The following SLC31A1 variants were observed in gnomAD, a reference collection of about 807,000 sequenced individuals.
SLC31A1 encodes the protein high affinity copper uptake protein 1.
SLC31A1 carries 5 observed loss-of-function variants against 17.2 expected under a neutral mutation model. The ratio of observed to expected loss-of-function variants is 0.29; its 90% CI spans 0.15 to 0.61. SLC31A1 has a LOEUF of 0.61. SLC31A1 is among the 20% of genes least tolerant of loss of function. The pLI, the probability that SLC31A1 is intolerant of heterozygous loss-of-function variation, is 0.86. For synonymous variants in SLC31A1, 76 were observed against 78.8 expected, an observed-to-expected ratio of 0.96 and a Z score of 0.19; for missense variants, 161 against 241.4, an observed-to-expected ratio of 0.67 and a Z score of 2.21.
intron 1 of SLC31A1, among the ~76,000 whole-genome samples, chr9:113,228,290 A>C (rs1171247244): frequency 6.6e-6 from 1 of 152,198 alleles, no homozygotes; most frequent in Admixed American, 6.5e-5. Context: ...TCAAGGCTAC[A>C]AAAGGATCCT....
In SLC31A1 at chr9:113,261,995, A is replaced by G. The variant is rs1353053425; in HGVS notation, c.*1522A>G. ...CACATGTGTGAAGGGCTATAGCCAA[A>G]GTATTTTTACTAGCCTGTATGAAAT... is the stretch of plus-strand genomic sequence containing the variant. On this transcript the variant is annotated 3_prime_UTR_variant, in exon 5 of 5. Coordinates refer to ENST00000374212, the MANE Select transcript of SLC31A1 (RefSeq NM_001859.4). 1.3e-5 allele frequency: 2 copies of G among 152,706 alleles called. No individual in the cohort carries two copies. Among genetic ancestry groups the G allele is most frequent in the African/African-American group, 4.8e-5 (2 of 41,482 alleles). 9.5% of individuals were successfully genotyped at this position (152,706 alleles called of 1,614,324 possible).
At chr9:113,257,550 A>G (rs556389738) in intron 3 of SLC31A1, among the ~76,000 whole-genome samples, 49 of 130,194 alleles carry the variant, frequency 3.8e-4, no homozygotes, top group African/African-American at 1.5e-3. Flanking sequence ...AATGGCAGCT[A>G]TCTTGGCTCA....
chr9:113,229,245 A>G (rs909943120), intron 1 of SLC31A1, among the ~76,000 whole-genome samples: 2 of 152,140 alleles, frequency 1.3e-5, no homozygotes, highest in African/African-American at 4.8e-5. Context: ...ACTCCTACCC[A>G]CTTCTGACCA....
At chr9:113,235,481 TAAC>T (rs1170971562) in intron 1 of SLC31A1, among the ~76,000 whole-genome samples, 2 of 152,092 alleles carry the variant, frequency 1.3e-5, no homozygotes, top group African/African-American at 4.8e-5. Context: ...CAATGAAAAA[TAAC>T]AAACTGCTGC....
intron 1 of SLC31A1, chr9:113,223,326 CTAAA>C: frequency 3.0e-6 from 1 of 333,724 alleles, no homozygotes. Context: ...CTGGGTGCAC[CTAAA>C]AAAAAAAAAA....
At chr9:113,229,116 G>C (rs965280684) in intron 1 of SLC31A1, among the ~76,000 whole-genome samples, 1 of 152,248 alleles carries the variant, frequency 6.6e-6, no homozygotes, top group Non-Finnish European at 1.5e-5. Flanking sequence ...AAAGTGCTGG[G>C]ATTATAGGCG....
At position 113,230,935 on chromosome 9, in the gene SLC31A1, G is replaced by A. The variant is rs189210805; in HGVS notation, c.-36+9257G>A. 7.4e-4 allele frequency among the ~76,000 whole-genome samples: 113 copies of A among 152,124 alleles called. 2 individuals are homozygous for A. In the East Asian group the frequency reaches 0.012, roughly 16 times the overall value. On this transcript the variant is annotated intron_variant, in intron 1 of 4. Transcript: ENST00000374212. The stretch of plus-strand genomic sequence containing the variant: ...TTTGTGAAATTTTCCCTGTTCAATA[G>A]CAAGTTTAAGCCAGAGCCTCCATCC...
intron 1 of SLC31A1, among the ~76,000 whole-genome samples, chr9:113,227,930 G>T (rs1441977950): frequency 1.3e-5 from 2 of 152,238 alleles, no homozygotes; most frequent in Non-Finnish European, 2.9e-5. Flanking sequence ...TGAGCCTTAT[G>T]TGTGACTTAG....
chr9:113,223,474 A>G (rs946814134), intron 1 of SLC31A1, among the ~76,000 whole-genome samples: 1 of 152,230 alleles, frequency 6.6e-6, no homozygotes, highest in African/African-American at 2.4e-5. Context: ...AAGCACTGTA[A>G]AATGAGTGGA....
At chr9:113,243,023 T>C (rs1199823409) in intron 1 of SLC31A1, among the ~76,000 whole-genome samples, 1 of 151,888 alleles carries the variant, frequency 6.6e-6, no homozygotes, top group East Asian at 1.9e-4. Context: ...CTTTGTGTTT[T>C]ATACGCTAGG....
intron 1 of SLC31A1, among the ~76,000 whole-genome samples, chr9:113,243,802 G>GT (rs1831547206): frequency 6.6e-6 from 1 of 152,134 alleles, no homozygotes. Context: ...CAGCTCCTGA[G>GT]TTATCGTCCC....
At chr9:113,255,807 T>G (rs1831720666) in intron 1 of SLC31A1, 1 of 176,378 alleles carries the variant, frequency 5.7e-6, no homozygotes, top group Non-Finnish European at 1.2e-5. Context: ...ATCTGTAGAT[T>G]ATGAAAAATA....
chr9:113,230,370 C>T (rs748390749), intron 1 of SLC31A1, among the ~76,000 whole-genome samples: 1 of 152,178 alleles, frequency 6.6e-6, no homozygotes, highest in Non-Finnish European at 1.5e-5. Flanking sequence ...AAAGTAGATC[C>T]TATGGCCTCA....
At chr9:113,253,517 A>G (rs997165766) in intron 1 of SLC31A1, among the ~76,000 whole-genome samples, 1 of 150,428 alleles carries the variant, frequency 6.6e-6, no homozygotes, top group Non-Finnish European at 1.5e-5. Flanking sequence ...CTTTATGGTA[A>G]TGGTATCAAT....
At chr9:113,243,144 A>G (rs2118999790) in intron 1 of SLC31A1, among the ~76,000 whole-genome samples, 1 of 151,878 alleles carries the variant, frequency 6.6e-6, no homozygotes, top group African/African-American at 2.4e-5. Context: ...GTATTCTTAC[A>G]GTTAAGGAAA....
intron 1 of SLC31A1, among the ~76,000 whole-genome samples, chr9:113,225,197 A>C (rs923516430): frequency 6.6e-6 from 1 of 152,250 alleles, no homozygotes; most frequent in African/African-American, 2.4e-5. Flanking sequence ...AGAATAGCCT[A>C]ATGGTGTGAT....
At chr9:113,223,337 AAAAAAG>A in intron 1 of SLC31A1, 2 of 392,046 alleles carry the variant, frequency 5.1e-6, no homozygotes, top group African/African-American at 2.1e-5. Flanking sequence ...TAAAAAAAAA[AAAAAAG>A]AAAGCCACTG....
At chr9:113,245,893 C>T (rs975307297) in intron 1 of SLC31A1, among the ~76,000 whole-genome samples, 1 of 151,934 alleles carries the variant, frequency 6.6e-6, no homozygotes, top group Admixed American at 6.6e-5. Flanking sequence ...CTCGGCCTCC[C>T]AAAGGGTTAG....
chr9:113,260,773 G>A lies in SLC31A1; in HGVS notation c.*300G>A, dbSNP rs1019500007. 2.4e-6 allele frequency: 1 copy of A among 411,860 alleles called. No individual in the cohort carries two copies. Among genetic ancestry groups the A allele is most frequent in the Non-Finnish European group, 4.6e-6 (1 of 218,954 alleles). 25.5% of individuals were successfully genotyped at this position (411,860 alleles called of 1,614,324 possible). ...TCTTAGAGCCAAGTTATATGTTCTT[G>A]TCTAATCCATGTAGCTTTTTGTTCA... is the stretch of plus-strand genomic sequence containing the variant. On this transcript the variant is annotated 3_prime_UTR_variant, in exon 5 of 5. Coordinates refer to ENST00000374212, the MANE Select transcript of SLC31A1 (RefSeq NM_001859.4).
Sources: gnomAD v4.1 joint callset for allele counts (sites outside exome capture counted in the v4.1 genomes callset) on GRCh38, gnomAD v4.1.1 for gene constraint, MANE v1.5 for transcripts, NCBI Gene and HGNC (gene_info 2026-07-23, HGNC 2026-07-21) for gene names.